CELF4: variants seen among roughly 807,000 people sequenced by gnomAD.
CELF4 encodes the protein CUG-BP- and ETR-3-like factor 4.
CELF4 carries 18 observed loss-of-function variants against 59.9 expected under a neutral mutation model. The observed-to-expected ratio is 0.30, with a 90% CI of 0.21 to 0.45. CELF4 has a LOEUF of 0.45. Among genes scored for constraint, CELF4 ranks in the 20% least tolerant of loss-of-function variants. The pLI, the probability that CELF4 is intolerant of heterozygous loss-of-function variation, is 1.00. For synonymous variants in CELF4, 261 were observed against 267.1 expected, an observed-to-expected ratio of 0.98 and a Z score of 0.22; for missense variants, 456 against 689.0, an observed-to-expected ratio of 0.66 and a Z score of 3.79.
chr18:37,353,233 A>AAAATATATATATATATATATATATAT (rs71168258), intron 2 of CELF4, among the ~76,000 whole-genome samples: 1 of 106,974 alleles, frequency 9.3e-6, no homozygotes, highest in Non-Finnish European at 1.8e-5. Context: ...AAAAAAAAAA[A>AAAATATATATATATATATATATATAT]ATATATATAT....
chr18:37,522,325 G>A (rs1444334604), intron 1 of CELF4, among the ~76,000 whole-genome samples: 1 of 152,126 alleles, frequency 6.6e-6, no homozygotes, highest in East Asian at 1.9e-4. Flanking sequence ...TCTGACCAGT[G>A]CCAGATGTGA....
intron 2 of CELF4, among the ~76,000 whole-genome samples, chr18:37,462,796 T>TGG (rs2099797353): frequency 6.6e-6 from 1 of 152,024 alleles, no homozygotes; most frequent in Non-Finnish European, 1.5e-5. Context: ...TTATGAGGTT[T>TGG]TTTTTTTTTG....
chr18:37,347,925 A>ATTC lies in CELF4; in HGVS notation c.370-26045_370-26044insGAA, dbSNP rs1409954937. On this transcript the variant is annotated intron_variant, in intron 2 of 12. Coordinates refer to ENST00000420428, the MANE Select transcript of CELF4 (RefSeq NM_020180.4). ...GGGCTCCCCTTTATTTTCTTCTTCG[A>ATTC]GAGAGATACCTCCCACGTTCCCAGC... Among the ~76,000 whole-genome samples the ATTC allele has an allele frequency of 3.3e-3, 501 of 152,184 alleles. 4 individuals carry two copies. Among genetic ancestry groups the ATTC allele is most frequent in the African/African-American group, 0.011 (463 of 41,526 alleles).
intron 1 of CELF4, among the ~76,000 whole-genome samples, chr18:37,523,870 G>C (rs1377974281): frequency 6.6e-6 from 1 of 152,188 alleles, no homozygotes; most frequent in Admixed American, 6.5e-5. Context: ...GAGGAGGGTG[G>C]TGGAGAAATG....
intron 2 of CELF4, among the ~76,000 whole-genome samples, chr18:37,458,152 A>G (rs2099783822): frequency 1.3e-5 from 2 of 152,204 alleles, no homozygotes; most frequent in Admixed American, 6.5e-5. Context: ...GGCTAAGGTC[A>G]TGAAGTGGGG....
intron 2 of CELF4, among the ~76,000 whole-genome samples, chr18:37,333,493 G>A (rs533293077): frequency 1.3e-5 from 2 of 152,026 alleles, no homozygotes; most frequent in African/African-American, 4.8e-5. Flanking sequence ...TTTCCACTCC[G>A]GAATACCCAG....
In CELF4 at chr18:37,283,462, C is replaced by T. The variant is rs1486409423; in HGVS notation, c.449-8219G>A. Among the ~76,000 whole-genome samples, 7 of 152,262 alleles carry T rather than the reference C, an allele frequency of 4.6e-5. No homozygotes were observed. The South Asian group carries it at 1.5e-3, about 32-fold the overall frequency. On this transcript the variant is annotated intron_variant, in intron 3 of 12. Coordinates refer to ENST00000420428, the MANE Select transcript of CELF4 (RefSeq NM_020180.4). ...TCCATGCCCTCTGACCTCTCTCCTC[C>T]ATGAATGAGATGTCCATGTTCATTC...
chr18:37,475,628 A>C (rs1043778158), intron 2 of CELF4, among the ~76,000 whole-genome samples: 8 of 152,178 alleles, frequency 5.3e-5, no homozygotes, highest in Admixed American at 5.2e-4. Context: ...GGGAAGCTGG[A>C]GACTTGCTGG....
At chr18:37,527,482 C>G (rs992260389) in intron 1 of CELF4, among the ~76,000 whole-genome samples, 2 of 152,128 alleles carry the variant, frequency 1.3e-5, no homozygotes, top group African/African-American at 4.8e-5. Flanking sequence ...ACTCCCCACC[C>G]CCTCCAGAAT....
At chr18:37,387,913 C>CT (rs1216385205) in intron 2 of CELF4, among the ~76,000 whole-genome samples, 1 of 152,170 alleles carries the variant, frequency 6.6e-6, no homozygotes, top group African/African-American at 2.4e-5. Flanking sequence ...CTCACCTGGC[C>CT]TGGGGCTGGG....
At chr18:37,271,114 A>G (rs921269783) in intron 7 of CELF4, among the ~76,000 whole-genome samples, 197 bp from the exon 8 acceptor site, 7 of 152,058 alleles carry the variant, frequency 4.6e-5, no homozygotes, top group African/African-American at 9.7e-5. Context: ...ACCTATCCCA[A>G]TTGTATCTAT....
chr18:37,347,575 G>A (rs1014434129), intron 2 of CELF4, among the ~76,000 whole-genome samples: 4 of 152,108 alleles, frequency 2.6e-5, no homozygotes, highest in African/African-American at 9.7e-5. Context: ...CAGGGCGGCC[G>A]CACACCCTCT....
intron 1 of CELF4, among the ~76,000 whole-genome samples, chr18:37,564,904 A>T (rs1454536597): frequency 6.6e-6 from 1 of 152,088 alleles, no homozygotes; most frequent in African/African-American, 2.4e-5. Context: ...AGCCCGGAGC[A>T]AAGGATGAGG....
intron 2 of CELF4, among the ~76,000 whole-genome samples, chr18:37,392,594 A>G (rs906108009): frequency 6.6e-6 from 1 of 152,226 alleles, no homozygotes; most frequent in Non-Finnish European, 1.5e-5. Context: ...TGTGCCCACA[A>G]GCAAAGTAGA....
intron 1 of CELF4, among the ~76,000 whole-genome samples, chr18:37,512,009 G>T (rs1420080402): frequency 6.6e-6 from 1 of 152,142 alleles, no homozygotes; most frequent in Non-Finnish European, 1.5e-5. Flanking sequence ...AAAAAAGAAA[G>T]AAAGAAAGAC....
intron 2 of CELF4, among the ~76,000 whole-genome samples, chr18:37,444,938 G>C (rs1228470612): frequency 1.3e-5 from 2 of 152,180 alleles, no homozygotes; most frequent in South Asian, 4.1e-4. Flanking sequence ...TGTGCGTGAC[G>C]CGGGCTCCTG....
chr18:37,489,883 T>C (rs2099895266), intron 1 of CELF4, among the ~76,000 whole-genome samples: 1 of 152,004 alleles, frequency 6.6e-6, no homozygotes, highest in South Asian at 2.1e-4. Flanking sequence ...GGCACAGAAA[T>C]CTCTCCCCAT....
In CELF4 at chr18:37,321,210, T is replaced by C. The variant is rs530166627; in HGVS notation, c.448+593A>G. On this transcript the variant is annotated intron_variant, in intron 3 of 12. Transcript: ENST00000420428. Reference sequence around the variant, plus strand: ...GTGAGCCTCAAGGTGCTGCATTCCCTTACTCAGGCTCTCCACGGCCAGTCT... The same window carrying C: ...GTGAGCCTCAAGGTGCTGCATTCCCCTACTCAGGCTCTCCACGGCCAGTCT... Among the ~76,000 whole-genome samples, 351 of 152,276 alleles carry C rather than the reference T, an allele frequency of 2.3e-3. 1 individual carries two copies. Among genetic ancestry groups the C allele is most frequent in the African/African-American group, 8.2e-3 (341 of 41,560 alleles).
rs116795406 is a variant in CELF4 at position 37,375,697 on chromosome 18, A to T, written c.370-53816T>A. ...AGCTAGAGCCCTGGCTCCTACCAGTATCCTGTACCACTGCCCACCTGGCCT... is the reference window on the plus strand; with the variant it reads ...AGCTAGAGCCCTGGCTCCTACCAGTTTCCTGTACCACTGCCCACCTGGCCT... On this transcript the variant is annotated intron_variant, in intron 2 of 12. Coordinates refer to ENST00000420428, the MANE Select transcript of CELF4 (RefSeq NM_020180.4). Among the ~76,000 whole-genome samples, 404 of 152,288 alleles carry T rather than the reference A, an allele frequency of 2.7e-3. 2 individuals carry two copies. The highest frequency in any genetic ancestry group is 8.7e-3 in the African/African-American group (363 of 41,562).
Sources: gnomAD v4.1 joint callset for allele counts (sites outside exome capture counted in the v4.1 genomes callset) on GRCh38, gnomAD v4.1.1 for gene constraint, MANE v1.5 for transcripts, NCBI Gene and HGNC (gene_info 2026-07-23, HGNC 2026-07-21) for gene names.